BCAT1: variants seen among roughly 807,000 people sequenced by gnomAD.
BCAT1 encodes the protein branched chain amino acid transaminase 1, also known as branched-chain-amino-acid aminotransferase, cytosolic.
A neutral mutation model predicts 52.4 loss-of-function variants in BCAT1; 48 were observed. The observed-to-expected ratio is 0.92, with a 90% CI of 0.73 to 1.16. The LOEUF is 1.16. Ranked by LOEUF, BCAT1 falls within the 50% of genes most tolerant of loss-of-function variation. BCAT1 has a pLI of 0.00. For synonymous variants in BCAT1, 167 were observed against 161.3 expected (o/e 1.04, Z -0.27); for missense variants, 451 against 457.1 (o/e 0.99, Z 0.12).
rs1939853973 is a variant in BCAT1 at position 24,815,782 on chromosome 12, G to C, written c.*2226C>G. 1 of 152,172 alleles carries C rather than the reference G, an allele frequency of 6.6e-6. No individual in the cohort carries two copies. The highest frequency in any genetic ancestry group is 6.5e-5 in the Admixed American group (1 of 15,278). 9.4% of individuals were successfully genotyped at this position (152,172 alleles called of 1,614,324 possible). A position where few individuals can be genotyped will look rare whatever the true frequency, so the allele number is the denominator to read the frequency against. ...ATGAAAGAAATGATACAAACATAAT[G>C]TTCTCTAACTTTCACAATGGACAAG... On this transcript the variant is annotated 3_prime_UTR_variant, in exon 11 of 11. Coordinates refer to ENST00000261192, the MANE Select transcript of BCAT1 (RefSeq NM_005504.7).
intron 1 of BCAT1, among the ~76,000 whole-genome samples, chr12:24,913,263 G>A (rs372737475): frequency 1.3e-5 from 2 of 152,280 alleles, no homozygotes; most frequent in African/African-American, 4.8e-5. Flanking sequence ...AAGTTGTAGT[G>A]TTAATGAGAC....
intron 2 of BCAT1, among the ~76,000 whole-genome samples, chr12:24,898,519 A>ACTTTTTTT (rs1943012251): frequency 4.2e-5 from 1 of 24,048 alleles, no homozygotes; most frequent in Non-Finnish European, 8.6e-5. Flanking sequence ...TTCAGTCAAC[A>ACTTTTTTT]CTTTTTTTTT....
intron 5 of BCAT1, among the ~76,000 whole-genome samples, chr12:24,870,225 G>A (rs1374503448): frequency 1.3e-5 from 2 of 152,122 alleles, no homozygotes; most frequent in East Asian, 3.9e-4. Context: ...TAGAAGCATT[G>A]TAATTGAACT....
chr12:24,929,437 A>G (rs529055832), intron 1 of BCAT1, among the ~76,000 whole-genome samples: 9 of 152,310 alleles, frequency 5.9e-5, no homozygotes, highest in African/African-American at 2.2e-4. Flanking sequence ...TGCTTATTTG[A>G]TGTATTTCCA....
Position 24,881,303 on chromosome 12 carries a change from G to T in BCAT1, c.388C>A (p.Pro130Thr). The T allele has an allele frequency of 6.2e-7, 1 of 1,602,422 alleles. No homozygotes were observed. Among genetic ancestry groups the T allele is most frequent in the South Asian group, 1.1e-5 (1 of 90,086 alleles). Residue 130 changes from proline to threonine, a missense_variant and splice_region_variant, in exon 4 of 11, where the codon CCG becomes ACG. By Grantham distance (38) the Pro-to-Thr change is conservative. Transcript: ENST00000261192. ...AAGAAACTCCTACACTTACATACCG[G>T]CAGAGTTGCCCTCACAGCAGAGCGA... is the stretch of plus-strand genomic sequence containing the variant. The part of the protein sequence containing the change: ...MYRSAVRATL[P>T]VFDKEELLEC...
intron 10 of BCAT1, among the ~76,000 whole-genome samples, chr12:24,820,848 T>A (rs1940091970): frequency 6.6e-6 from 1 of 152,098 alleles, no homozygotes; most frequent in African/African-American, 2.4e-5. Flanking sequence ...TGCCTTTAAA[T>A]TCCTGGCAAA....
chr12:24,891,892 G>A (rs1446607521), intron 3 of BCAT1, among the ~76,000 whole-genome samples: 2 of 150,304 alleles, frequency 1.3e-5, no homozygotes, highest in Admixed American at 6.7e-5. Flanking sequence ...TGGACTACAG[G>A]CGCCTGCCAC....
chr12:24,902,520 G>C, intron 1 of BCAT1: 1 of 590,572 alleles, frequency 1.7e-6, no homozygotes, highest in Non-Finnish European at 2.3e-6. Flanking sequence ...GGGTGGGGGT[G>C]GGGAAGGAAG....
chr12:24,880,275 C>T (rs1253686748), intron 4 of BCAT1, among the ~76,000 whole-genome samples: 1 of 152,168 alleles, frequency 6.6e-6, no homozygotes, highest in African/African-American at 2.4e-5. Context: ...ATGGTGAAAT[C>T]ATGTCTCCAC....
rs67156404 is a variant in BCAT1 at position 24,835,551 on chromosome 12, T to TTTTATTTA, written c.903+952_903+959dup. ...CAAAACCAAACCTTTTTAAATTTTATTTTATTTATTTATTTATTTATTTAT... is the reference window on the plus strand; with the variant it reads ...CAAAACCAAACCTTTTTAAATTTTATTTTATTTATTTATTTATTTATTTATTTATTTAT... On this transcript the variant is annotated intron_variant, in intron 8 of 10. Transcript: ENST00000261192. Among the ~76,000 whole-genome samples the TTTTATTTA allele has an allele frequency of 4.2e-3, 616 of 146,634 alleles. 3 individuals carry two copies. Among genetic ancestry groups the TTTTATTTA allele is most frequent in the African/African-American group, 9.8e-3 (386 of 39,516 alleles).
chr12:24,930,080 C>T (rs753043274), intron 1 of BCAT1, among the ~76,000 whole-genome samples: 4 of 152,222 alleles, frequency 2.6e-5, no homozygotes, highest in African/African-American at 7.2e-5. Context: ...TAATCTGGCA[C>T]TGGGGGCCCT....
chr12:24,890,566 C>T (rs1942809001), intron 3 of BCAT1, among the ~76,000 whole-genome samples: 1 of 152,146 alleles, frequency 6.6e-6, no homozygotes, highest in Admixed American at 6.5e-5. Flanking sequence ...AATTATAATG[C>T]ATTAGCATGC....
chr12:24,874,038 G>A (rs747865983), intron 5 of BCAT1, among the ~76,000 whole-genome samples: 1 of 152,132 alleles, frequency 6.6e-6, no homozygotes, highest in Non-Finnish European at 1.5e-5. Flanking sequence ...AAGGAGGCCG[G>A]GCATGGTGGC....
chr12:24,857,225 CCT>C (rs1321579682), intron 5 of BCAT1, among the ~76,000 whole-genome samples: 2 of 152,144 alleles, frequency 1.3e-5, no homozygotes, highest in Admixed American at 6.5e-5. Flanking sequence ...CTTCTGACTC[CCT>C]GTCTTGAATC....
rs1456826000 is a variant in BCAT1 at position 24,881,399 on chromosome 12, A to G, written c.292T>C (p.Leu98=). The change falls in exon 4 of 11, where the codon TTG becomes CTG. Residue 98 remains leucine (L), a synonymous_variant. Transcript: ENST00000261192. Reference sequence around the variant, plus strand: ...TTATCTACTCCTCGAAATGCCTTCAATCCTTCAAATAACTGGAGATCAAAG... The same window carrying G: ...TTATCTACTCCTCGAAATGCCTTCAGTCCTTCAAATAACTGGAGATCAAAG... The part of the protein sequence containing the change: ...LHYAVELFEG[L]KAFRGVDNKI... 2 of 1,607,758 alleles carry G rather than the reference A, an allele frequency of 1.2e-6. No individual in the cohort carries two copies.
chr12:24,849,417 G>A (rs1591805298), intron 6 of BCAT1, among the ~76,000 whole-genome samples: 1 of 152,224 alleles, frequency 6.6e-6, no homozygotes, highest in Admixed American at 6.5e-5. Context: ...TTTAATGCCA[G>A]CCGTCAGCCT....
At chr12:24,912,180 C>T (rs982710861) in intron 1 of BCAT1, among the ~76,000 whole-genome samples, 4 of 152,000 alleles carry the variant, frequency 2.6e-5, no homozygotes, top group Admixed American at 6.6e-5. Flanking sequence ...CATATGCTCA[C>T]GAAAATAAAC....
At chr12:24,912,838 G>A (rs1031469111) in intron 1 of BCAT1, among the ~76,000 whole-genome samples, 1 of 152,112 alleles carries the variant, frequency 6.6e-6, no homozygotes, top group East Asian at 1.9e-4. Context: ...GGCAGCAAAG[G>A]GAATACTTCC....
intron 1 of BCAT1, among the ~76,000 whole-genome samples, chr12:24,946,930 C>G (rs1475500408): frequency 6.6e-6 from 1 of 152,130 alleles, no homozygotes; most frequent in East Asian, 1.9e-4. Context: ...CCCCTTTTCT[C>G]TCTGTAGTTC....
Sources: allele counts gnomAD v4.1 joint callset (sites outside exome capture counted in the v4.1 genomes callset), GRCh38; gene constraint gnomAD v4.1.1; transcripts MANE v1.5; gene names NCBI Gene and HGNC (gene_info 2026-07-23, HGNC 2026-07-21).